The following RADIL variants were observed in gnomAD, a reference collection of about 807,000 sequenced individuals.
RADIL encodes the protein ras-associating and dilute domain-containing protein.
Under a neutral mutation model 97.6 loss-of-function variants are expected in RADIL, and 99 were observed. That is an observed-to-expected ratio of 1.01 (90% confidence interval 0.86 to 1.20). The LOEUF is 1.20. Ranked by LOEUF, RADIL falls within the 50% of genes most tolerant of loss-of-function variation. The pLI is 0.00. For synonymous variants in RADIL, 803 were observed against 691.8 expected (o/e 1.16, Z -2.52); for missense variants, 1,765 against 1,498.9 (o/e 1.18, Z -2.93).
intron 2 of RADIL, chr7:4,860,917 C>A: frequency 6.2e-7 from 1 of 1,614,192 alleles, no homozygotes; most frequent in South Asian, 1.1e-5. Flanking sequence ...CCCATACAGG[C>A]AAATTAAGAT....
intron 4 of RADIL, among the ~76,000 whole-genome samples, chr7:4,832,395 A>G (rs1783169479): frequency 6.6e-6 from 1 of 152,156 alleles, no homozygotes; most frequent in African/African-American, 2.4e-5. Context: ...CAAGTTTGCT[A>G]CAATAGAGTA....
chr7:4,878,069 A>G lies in RADIL; in HGVS notation c.71T>C (p.Leu24Ser). The G allele has an allele frequency of 6.3e-7, 1 of 1,599,748 alleles. No individual in the cohort carries two copies. Among genetic ancestry groups the G allele is most frequent in the Non-Finnish European group, 8.5e-7 (1 of 1,174,076 alleles). ...KSKLKRQSQL[L>S]SSMLSRTLSY... is the part of the protein sequence containing the mutation. ...CAGCGTCCGGGACAGCATGCTGGAC[A>G]ACAGCTGGCTCTGCCGCTTCAGTTT... The change falls in exon 2 of 15, where the codon TTG becomes TCG. Residue 24 changes from leucine to serine, a missense_variant. Coordinates refer to ENST00000399583, the MANE Select transcript of RADIL (RefSeq NM_018059.5). This position sits in a 1 kb window ranked among gnomAD's most constrained non-coding sequence, Gnocchi z 4.1.
At chr7:4,841,864 G>A (rs1056447181) in intron 2 of RADIL, among the ~76,000 whole-genome samples, 7 of 152,168 alleles carry the variant, frequency 4.6e-5, no homozygotes, top group African/African-American at 1.7e-4. Context: ...GGTTCAAGCC[G>A]AGGCTGATCA....
chr7:4,874,861 C>A (rs1468814061), intron 2 of RADIL, among the ~76,000 whole-genome samples: 9 of 152,156 alleles, frequency 5.9e-5, no homozygotes, highest in African/African-American at 1.9e-4. Flanking sequence ...AGTTCGAGAC[C>A]AGCCTGGCCA....
Position 4,798,028 on chromosome 7 carries a change from T to G in RADIL, c.*1350A>C, listed in dbSNP as rs918868806. ...TATAATAAAATATAAAAAATGTTTA[T>G]AAAATATACGAATATATTACGTATA... On this transcript the variant is annotated 3_prime_UTR_variant, in exon 15 of 15. Transcript: ENST00000399583. The G allele has an allele frequency of 6.7e-6, 1 of 148,408 alleles. No individual in the cohort carries two copies. Among genetic ancestry groups the G allele is most frequent in the Admixed American group, 6.7e-5 (1 of 14,844 alleles). The allele number at this position is 148,408 out of a possible 1,614,324, so 9.2% of individuals were successfully genotyped here.
rs183757642 is a variant in RADIL, at chr7:4,839,033, C to T, written c.536-2428G>A. On this transcript the variant is annotated intron_variant, in intron 2 of 14. Coordinates refer to ENST00000399583, the MANE Select transcript of RADIL (RefSeq NM_018059.5). ...CACCCAATCACCCCCCACAGGGAGC[C>T]GCCATGCACGGGAGGAGAGCTCTGC... is the stretch of plus-strand genomic sequence containing the variant. Among the ~76,000 whole-genome samples, 326 of 152,352 alleles carry T rather than the reference C, an allele frequency of 2.1e-3. 1 individual carries two copies. Among genetic ancestry groups the T allele is most frequent in the African/African-American group, 7.5e-3 (312 of 41,592 alleles).
At chr7:4,800,148 G>A (rs776295278) in intron 13 of RADIL, 23 bp downstream of exon 13, 244 of 1,594,374 alleles carry the variant, frequency 1.5e-4, no homozygotes, top group Non-Finnish European at 1.9e-4. Context: ...ATGGGGGTGC[G>A]GCGAGGGTCC....
intron 2 of RADIL, among the ~76,000 whole-genome samples, chr7:4,846,128 T>C (rs1032302008): frequency 5.4e-4 from 21 of 38,916 alleles, no homozygotes; most frequent in Non-Finnish European, 8.8e-4. Flanking sequence ...ATCTTCTTTT[T>C]TTTTTTTTTT....
chr7:4,860,611 T>C (rs1400343969), intron 2 of RADIL: 1 of 1,614,188 alleles, frequency 6.2e-7, no homozygotes, highest in Non-Finnish European at 8.5e-7. Flanking sequence ...CAACCAGGAT[T>C]CGGATCTTTG....
In RADIL at chr7:4,802,103, G is replaced by A. The variant is rs541998732; in HGVS notation, c.2500-108C>T. The A allele has an allele frequency of 1.8e-5, 16 of 905,084 alleles. No homozygotes were observed. In the African/African-American group the frequency reaches 2.5e-4, roughly 14 times the overall value. The allele number at this position is 905,084 out of a possible 1,614,324, so 56.1% of individuals were successfully genotyped here. A position where few individuals can be genotyped will look rare whatever the true frequency, so the allele number is the denominator to read the frequency against. The stretch of plus-strand genomic sequence containing the variant: ...AAGGGCCGCCAGGCCGCGGGGCAGA[G>A]GTCAGCAAAGGACTCCCGCAGCCTG... On this transcript the variant is annotated intron_variant, in intron 11 of 14. Coordinates refer to ENST00000399583, the MANE Select transcript of RADIL (RefSeq NM_018059.5).
In RADIL at chr7:4,797,959, G is replaced by C. The variant is rs1014883390; in HGVS notation, c.*1419C>G. The C allele has an allele frequency of 6.6e-6, 1 of 151,602 alleles. No homozygotes were observed. The highest frequency in any genetic ancestry group is 2.4e-5 in the African/African-American group (1 of 41,202). The allele number at this position is 151,602 out of a possible 1,614,324, so 9.4% of individuals were successfully genotyped here. On this transcript the variant is annotated 3_prime_UTR_variant, in exon 15 of 15. Transcript: ENST00000399583. ...ACTGCACTCCAGCCTGGGTCACAGA[G>C]CGAGACTCCGTCTCATAAAAAAAAA...
At chr7:4,871,420 C>T (rs1350290420) in intron 2 of RADIL, among the ~76,000 whole-genome samples, 4 of 152,370 alleles carry the variant, frequency 2.6e-5, no homozygotes, top group Non-Finnish European at 5.9e-5. Context: ...ACAGTCCCTG[C>T]GGCCCGCACA....
rs1030616391 is a variant in RADIL, at chr7:4,872,161, C to T, written c.535+5444G>A. On this transcript the variant is annotated intron_variant, in intron 2 of 14. Transcript: ENST00000399583. This position sits in a 1 kb window ranked among gnomAD's most constrained non-coding sequence, Gnocchi z 5.8. ...CCCAGTGGGCAGGGGCTCGTGTGGC[C>T]GAGTCCAGGCAGCCAGGTCCAATAC... is the stretch of plus-strand genomic sequence containing the variant. Among the ~76,000 whole-genome samples, 7 of 152,082 alleles carry T rather than the reference C, an allele frequency of 4.6e-5. No homozygotes were observed. Among genetic ancestry groups the T allele is most frequent in the Admixed American group, 3.3e-4 (5 of 15,272 alleles).
intron 9 of RADIL, among the ~76,000 whole-genome samples, chr7:4,812,562 C>T (rs1245045707): frequency 1.3e-5 from 2 of 152,182 alleles, no homozygotes; most frequent in African/African-American, 4.8e-5. Flanking sequence ...GCTGAAATTA[C>T]AGGCACGTGC....
intron 6 of RADIL, among the ~76,000 whole-genome samples, chr7:4,820,668 G>A (rs1435633012): frequency 6.6e-6 from 1 of 152,194 alleles, no homozygotes; most frequent in African/African-American, 2.4e-5. Flanking sequence ...GAAGGAACTC[G>A]GACAGATCCT....
intron 2 of RADIL, among the ~76,000 whole-genome samples, chr7:4,874,119 G>C (rs942322734): frequency 6.6e-6 from 1 of 152,242 alleles, no homozygotes; most frequent in African/African-American, 2.4e-5. Context: ...CCAGGGATGT[G>C]CACAGAGGCC....
At chr7:4,830,645 AGGCAGGTGGATCACCTGAGGTCAGGAGT>A (rs1263363227) in intron 5 of RADIL, among the ~76,000 whole-genome samples, 1 of 152,184 alleles carries the variant, frequency 6.6e-6, no homozygotes, top group African/African-American at 2.4e-5. Flanking sequence ...TGGGAGGCTG[AGGCAGGTGGATCACCTGAGGTCAGGAGT>A]TCGAGACCAG....
chr7:4,799,792 G>C (rs1467357943), intron 13 of RADIL, 23 bp from the exon 14 acceptor site: 14 of 1,494,706 alleles, frequency 9.4e-6, no homozygotes, highest in Middle Eastern at 2.2e-4. Context: ...AGAGGCCTCA[G>C]AGCTCCGCAG....
In RADIL at chr7:4,882,951, C is replaced by A. The variant is rs76522815; in HGVS notation, c.-65+645G>T. On this transcript the variant is annotated intron_variant, in intron 1 of 14. Coordinates refer to ENST00000399583, the MANE Select transcript of RADIL (RefSeq NM_018059.5). ...CGCAGCCCCGCCAGGGCCCTGCCAA[C>A]CCCACCAACAGGCTCCTCCTGCGAG... Among the ~76,000 whole-genome samples, 279 of 152,314 alleles carry A rather than the reference C, an allele frequency of 1.8e-3. 4 individuals carry two copies. In the East Asian group the frequency reaches 0.047, roughly 26 times the overall value.
Sources: allele counts gnomAD v4.1 joint callset (sites outside exome capture counted in the v4.1 genomes callset), GRCh38; gene constraint gnomAD v4.1.1; non-coding constraint Gnocchi (gnomAD v3.1); transcripts MANE v1.5; gene names NCBI Gene and HGNC (gene_info 2026-07-23, HGNC 2026-07-21).